AMDHD2: variants seen among roughly 807,000 people sequenced by gnomAD.
AMDHD2 encodes amidohydrolase domain containing 2.
Under a neutral mutation model 41.8 loss-of-function variants are expected in AMDHD2, and 24 were observed. The ratio of observed to expected loss-of-function variants is 0.57; its 90% CI spans 0.42 to 0.81. The LOEUF (loss-of-function observed/expected upper bound fraction) is 0.81, where lower values mean the gene tolerates loss of function less well. Among genes scored for constraint, AMDHD2 ranks in the 30% least tolerant of loss-of-function variants. The pLI, the probability that AMDHD2 is intolerant of heterozygous loss-of-function variation, is 0.00. For missense variants in AMDHD2, 540 were observed against 588.5 expected, an observed-to-expected ratio of 0.92 and a Z score of 0.85; for synonymous variants, 332 against 255.5, an observed-to-expected ratio of 1.30 and a Z score of -2.85.
At position 2,530,922 on chromosome 16, in the gene AMDHD2, T is replaced by C; in HGVS notation, c.*1359T>C. 6.2e-7 allele frequency: 1 copy of C among 1,613,390 alleles called. No individual in the cohort carries two copies. Among genetic ancestry groups the C allele is most frequent in the Non-Finnish European group, 8.5e-7 (1 of 1,179,958 alleles). On this transcript the variant is annotated 3_prime_UTR_variant, in exon 11 of 11. Coordinates refer to ENST00000293971, the MANE Select transcript of AMDHD2 (RefSeq NM_001330449.2). Reference sequence around the variant, plus strand: ...GGCCGCGCACCCCTTAGGAAGTGGCTGTCCAGCGCCTGCCTGTGCTGGGCC... The same window carrying C: ...GGCCGCGCACCCCTTAGGAAGTGGCCGTCCAGCGCCTGCCTGTGCTGGGCC...
In AMDHD2 at chr16:2,530,581, C is replaced by G. The variant is rs563584391; in HGVS notation, c.*1018C>G. On this transcript the variant is annotated 3_prime_UTR_variant, in exon 11 of 11. Coordinates refer to ENST00000293971, the MANE Select transcript of AMDHD2 (RefSeq NM_001330449.2). ...GGGTGGCTCCCTTCCCCCTTGCTTA[C>G]AGGTGCTGTCCTGGGCACAGGAGGT... 10 of 1,614,092 alleles carry G rather than the reference C, an allele frequency of 6.2e-6. No individual in the cohort carries two copies. The highest frequency in any genetic ancestry group is 2.2e-5 in the South Asian group (2 of 91,096).
At position 2,520,403 on chromosome 16, in the gene AMDHD2, C is replaced by A; in HGVS notation, c.-56C>A. 8.3e-7 allele frequency: 1 copy of A among 1,208,338 alleles called. No individual in the cohort carries two copies. Among genetic ancestry groups the A allele is most frequent in the African/African-American group, 1.6e-5 (1 of 63,398 alleles). The allele number at this position is 1,208,338 out of a possible 1,614,324, so 74.9% of individuals were successfully genotyped here. ...CTCTCGGCTGGGGTTCGTCACTGGG[C>A]GCGGGATTTGGCCGCCGCGGGGCTC... On this transcript the variant is annotated 5_prime_UTR_variant, in exon 1 of 11. Transcript: ENST00000293971.
At chr16:2,529,260 G>C (rs2066052223) in intron 10 of AMDHD2, 165 bp downstream of exon 10, 2 of 1,050,456 alleles carry the variant, frequency 1.9e-6, no homozygotes, top group African/African-American at 3.2e-5. Flanking sequence ...GTTGCCATCA[G>C]GCCGGGCTTT....
chr16:2,528,510 G>A lies in AMDHD2; in HGVS notation c.921G>A (p.Thr307=), dbSNP rs572767182. The A allele has an allele frequency of 6.8e-6, 11 of 1,612,852 alleles. No individual in the cohort carries two copies. The African/African-American group carries it at 8.0e-5, about 12-fold the overall frequency. The part of the protein sequence containing the change: ...PALGLGNGRH[T]LGQQEVEVDG... ...TGGGCCTGGGCAACGGCCGGCACAC[G>A]CTGGGACAGCAGGAAGTGGAAGTGG... is the stretch of plus-strand genomic sequence containing the variant. Residue 307 remains threonine, a synonymous_variant, in exon 8 of 11, where the codon ACG becomes ACA. Transcript: ENST00000293971.
chr16:2,527,578 T>C lies in AMDHD2; in HGVS notation c.378T>C (p.Pro126=), dbSNP rs1326282857. The change falls in exon 4 of 11, where the codon CCT becomes CCC. Residue 126 remains proline, a synonymous_variant. Transcript: ENST00000293971. The surrounding 1 kb of genome is among the most constrained non-coding windows in gnomAD (Gnocchi z 6.1). ...CCCCCCAGGTTGTTCCTCAGATCCC[T>C]GTGAAGAGTGGTGGTCCCCATGGGG... ...EVYHKVVPQI[P]VKSGGPHGAG... is the part of the protein sequence containing the mutation. 12 of 1,613,046 alleles carry C rather than the reference T, an allele frequency of 7.4e-6. No homozygotes were observed. Among genetic ancestry groups the C allele is most frequent in the East Asian group, 2.2e-5 (1 of 44,862 alleles).
At chr16:2,525,057 CTTAT>C (rs772327833) in intron 3 of AMDHD2, among the ~76,000 whole-genome samples, 9 of 151,500 alleles carry the variant, frequency 5.9e-5, no homozygotes, top group Admixed American at 2.0e-4. Context: ...TCTCTGGCCA[CTTAT>C]TTATTTATTT....
At chr16:2,521,476 A>C (rs1284908910) in intron 3 of AMDHD2, among the ~76,000 whole-genome samples, 1 of 152,074 alleles carries the variant, frequency 6.6e-6, no homozygotes, top group South Asian at 2.1e-4. Flanking sequence ...TGGCACAGCG[A>C]TAGTCCCTGG....
At chr16:2,525,736 C>G (rs761113761) in intron 3 of AMDHD2, among the ~76,000 whole-genome samples, 1 of 152,078 alleles carries the variant, frequency 6.6e-6, no homozygotes, top group Admixed American at 6.6e-5. Flanking sequence ...AGTAGAGATG[C>G]GGTTTCACCA....
At chr16:2,523,769 G>A (rs1426744843) in intron 3 of AMDHD2, among the ~76,000 whole-genome samples, 4 of 152,054 alleles carry the variant, frequency 2.6e-5, no homozygotes, top group East Asian at 1.9e-4. Context: ...CACCCCTACC[G>A]GCAGCATTCC....
At chr16:2,522,843 A>G (rs2065959318) in intron 3 of AMDHD2, among the ~76,000 whole-genome samples, 1 of 141,946 alleles carries the variant, frequency 7.0e-6, no homozygotes, top group Non-Finnish European at 1.5e-5. Flanking sequence ...TTAGTACTTA[A>G]CTTTTTTTTT....
At chr16:2,528,597 C>A (rs377376699) in intron 8 of AMDHD2, 38 bp downstream of exon 8, 1 of 1,612,806 alleles carries the variant, frequency 6.2e-7, no homozygotes, top group South Asian at 1.1e-5. Context: ...GGTCCCAGCC[C>A]GCATGCCAGG....
In AMDHD2 at chr16:2,529,853, GC is replaced by G; in HGVS notation, c.*294del. ...GGCTGTAGTTTAGCCTGGGCCTTGG[GC>G]CCCAGTGGGGGACAGGGCCTGTCTG... is the stretch of plus-strand genomic sequence containing the variant. On this transcript the variant is annotated 3_prime_UTR_variant, in exon 11 of 11. Transcript: ENST00000293971. The G allele has an allele frequency of 1.5e-6, 2 of 1,362,390 alleles. No individual in the cohort carries two copies. The highest frequency in any genetic ancestry group is 1.9e-6 in the Non-Finnish European group (2 of 1,038,368). 84.4% of individuals were successfully genotyped at this position (1,362,390 alleles called of 1,614,324 possible).
Position 2,530,931 on chromosome 16 carries a change from C to G in AMDHD2, c.*1368C>G. On this transcript the variant is annotated 3_prime_UTR_variant, in exon 11 of 11. Transcript: ENST00000293971. ...CCCCTTAGGAAGTGGCTGTCCAGCG[C>G]CTGCCTGTGCTGGGCCTGGGAGAGG... 1.2e-6 allele frequency: 2 copies of G among 1,613,452 alleles called. No individual in the cohort carries two copies. The highest frequency in any genetic ancestry group is 1.7e-6 in the Non-Finnish European group (2 of 1,179,982).
At position 2,531,240 on chromosome 16, in the gene AMDHD2, G is replaced by A; in HGVS notation, c.*1677G>A. The A allele has an allele frequency of 1.1e-6, 1 of 880,198 alleles. No individual in the cohort carries two copies. Among genetic ancestry groups the A allele is most frequent in the African/African-American group, 1.7e-5 (1 of 58,542 alleles). The allele number at this position is 880,198 out of a possible 1,614,324, so 54.5% of individuals were successfully genotyped here. A position where few individuals can be genotyped will look rare whatever the true frequency, so the allele number is the denominator to read the frequency against. Reference sequence around the variant, plus strand: ...GGTCGGGGAGGGGCTGGCAGAGATGGTTGGTCCACAGGGCTAGCCCTGGGT... The same window carrying A: ...GGTCGGGGAGGGGCTGGCAGAGATGATTGGTCCACAGGGCTAGCCCTGGGT... On this transcript the variant is annotated 3_prime_UTR_variant, in exon 11 of 11. Coordinates refer to ENST00000293971, the MANE Select transcript of AMDHD2 (RefSeq NM_001330449.2).
Position 2,520,886 on chromosome 16 carries a change from C to T in AMDHD2, c.201C>T (p.Phe67=), listed in dbSNP as rs367882539. 6 of 1,608,026 alleles carry T rather than the reference C, an allele frequency of 3.7e-6. No homozygotes were observed. In the African/African-American group the frequency reaches 8.0e-5, roughly 22 times the overall value. ...GGGGCCGCATCTTGGCTCCCGGATT[C>T]ATCGACGTGCAGATCAACGGTGCGG... ...DCGGRILAPG[F]IDVQINGGFG... is the part of the protein sequence containing the mutation. The change falls in exon 2 of 11, where the codon TTC becomes TTT. Residue 67 remains phenylalanine (F), a synonymous_variant. Coordinates refer to ENST00000293971, the MANE Select transcript of AMDHD2 (RefSeq NM_001330449.2).
chr16:2,521,268 G>A (rs1029402115), intron 3 of AMDHD2, 145 bp downstream of exon 3: 6 of 1,141,890 alleles, frequency 5.3e-6, no homozygotes, highest in African/African-American at 5.0e-5. Context: ...ATCTGGGCCT[G>A]GGTCCCGCCC....
At chr16:2,525,366 C>CTTTTTTTTTTTTT (rs34643272) in intron 3 of AMDHD2, among the ~76,000 whole-genome samples, 1 of 127,344 alleles carries the variant, frequency 7.9e-6, no homozygotes, top group Non-Finnish European at 1.7e-5. Flanking sequence ...CCAAATGTTG[C>CTTTTTTTTTTTTT]TTTTTTTTTT....
chr16:2,522,702 CAG>C (rs2065957015), intron 3 of AMDHD2, among the ~76,000 whole-genome samples: 1 of 151,920 alleles, frequency 6.6e-6, no homozygotes, highest in Non-Finnish European at 1.5e-5. Flanking sequence ...TTTGTAGAGA[CAG>C]GGATCTCATT....
chr16:2,520,705 G>A (rs2065922674), intron 1 of AMDHD2, 64 bp from the exon 2 acceptor site: 1 of 1,422,748 alleles, frequency 7.0e-7, no homozygotes, highest in Admixed American at 2.9e-5. Flanking sequence ...GGGACCGGGC[G>A]GGGTGCAGGG....
Sources: allele counts gnomAD v4.1 joint callset (sites outside exome capture counted in the v4.1 genomes callset), GRCh38; gene constraint gnomAD v4.1.1; non-coding constraint Gnocchi (gnomAD v3.1); transcripts MANE v1.5; gene names NCBI Gene and HGNC (gene_info 2026-07-23, HGNC 2026-07-21).